PIK3C2G: variants seen among roughly 807,000 people sequenced by gnomAD.
The protein encoded by PIK3C2G is phosphatidylinositol-4-phosphate 3-kinase catalytic subunit type 2 gamma, also known as phosphatidylinositol 3-kinase C2 domain-containing subunit gamma.
Under a neutral mutation model 181.1 loss-of-function variants are expected in PIK3C2G, and 168 were observed. The observed-to-expected ratio is 0.93, with a 90% CI of 0.82 to 1.05. PIK3C2G has a LOEUF of 1.05. Among genes scored for constraint, PIK3C2G ranks in the 50% least tolerant of loss-of-function variants. The pLI is 0.00. For missense variants in PIK3C2G, 1,869 were observed against 1,732.8 expected, an observed-to-expected ratio of 1.08 and a Z score of -1.40; for synonymous variants, 573 against 592.2, an observed-to-expected ratio of 0.97 and a Z score of 0.47.
intron 18 of PIK3C2G, among the ~76,000 whole-genome samples, chr12:18,466,937 A>G (rs1436317173): frequency 1.3e-5 from 2 of 152,074 alleles, no homozygotes; most frequent in African/African-American, 4.8e-5. Flanking sequence ...AATTTAGTAG[A>G]ACTAATATGA....
At chr12:18,597,456 A>T (rs1028476514) in intron 30 of PIK3C2G, among the ~76,000 whole-genome samples, 3 of 152,150 alleles carry the variant, frequency 2.0e-5, no homozygotes, top group Non-Finnish European at 2.9e-5. Flanking sequence ...GCATTAAAAT[A>T]GACCTAAGAG....
chr12:18,416,436 T>G (rs1308413095), intron 16 of PIK3C2G, among the ~76,000 whole-genome samples: 1 of 152,176 alleles, frequency 6.6e-6, no homozygotes, highest in Non-Finnish European at 1.5e-5. Context: ...AACCTTCTAT[T>G]GGAAAAAGAT....
chr12:18,280,229 G>C (rs1423545787), intron 1 of PIK3C2G, among the ~76,000 whole-genome samples: 1 of 151,884 alleles, frequency 6.6e-6, no homozygotes, highest in Non-Finnish European at 1.5e-5. Context: ...TGAAGCAATG[G>C]ACTAGGCACT....
intron 31 of PIK3C2G, among the ~76,000 whole-genome samples, chr12:18,619,088 ATAT>A (rs552503369): frequency 1.4e-4 from 21 of 150,980 alleles, no homozygotes; most frequent in Admixed American, 4.0e-4. Flanking sequence ...ATTATATTAT[ATAT>A]TATTTAATTA....
Position 18,370,751 on chromosome 12 carries a change from C to T in PIK3C2G, c.1749-429C>T, listed in dbSNP as rs369361615. ...GTTGTTCATCCATATATGCCCTTGT[C>T]TGTGCTTTTTCCTCTTTCTGGAATA... On this transcript the variant is annotated intron_variant, in intron 12 of 32. Transcript: ENST00000538779. 1.4e-4 allele frequency among the ~76,000 whole-genome samples: 21 copies of T among 152,234 alleles called. No individual in the cohort carries two copies. The East Asian group carries it at 2.7e-3, about 20-fold the overall frequency.
At chr12:18,463,965 T>A (rs1948055720) in intron 18 of PIK3C2G, among the ~76,000 whole-genome samples, 1 of 152,096 alleles carries the variant, frequency 6.6e-6, no homozygotes. Flanking sequence ...TTCCTCTTCT[T>A]CACATCCCAG....
chr12:18,295,851 A>G (rs982794706), intron 5 of PIK3C2G, among the ~76,000 whole-genome samples: 1 of 152,030 alleles, frequency 6.6e-6, no homozygotes, highest in Admixed American at 6.6e-5. Context: ...AAAGGAATAT[A>G]TATTAGTCAT....
chr12:18,628,534 T>A (rs1949202929), intron 31 of PIK3C2G, among the ~76,000 whole-genome samples: 1 of 152,230 alleles, frequency 6.6e-6, no homozygotes, highest in Admixed American at 6.5e-5. Flanking sequence ...TATATTTAAT[T>A]ATTCATGTAC....
rs369930128 is a variant in PIK3C2G, at chr12:18,283,364, C to G, written c.678+605C>G. ...TTTTCTGTATTTGAAGATTTCTCTA[C>G]TTATTTCTCTGCTTGAGTCTAGACA... On this transcript the variant is annotated intron_variant, in intron 2 of 32. Transcript: ENST00000538779. 5.5e-4 allele frequency among the ~76,000 whole-genome samples: 84 copies of G among 152,176 alleles called. No homozygotes were observed. In the East Asian group the frequency reaches 0.01, roughly 18 times the overall value.
chr12:18,678,209 A>G, the PIK3C2G span, among the ~76,000 whole-genome samples: 3 of 152,060 alleles, frequency 2.0e-5, no homozygotes, highest in Non-Finnish European at 4.4e-5. Context: ...AGGTCTGGCT[A>G]ATACTGCTGT....
chr12:18,432,608 C>A (rs1946222364), intron 18 of PIK3C2G, among the ~76,000 whole-genome samples: 1 of 152,138 alleles, frequency 6.6e-6, no homozygotes, highest in African/African-American at 2.4e-5. Context: ...TTGCTCTAGC[C>A]AACAAAAAAT....
intron 30 of PIK3C2G, among the ~76,000 whole-genome samples, chr12:18,607,589 TA>T (rs1282098356): frequency 6.6e-6 from 1 of 152,052 alleles, no homozygotes; most frequent in Non-Finnish European, 1.5e-5. Context: ...CCTAAAACCA[TA>T]AAACCCTAGA....
chr12:18,607,186 A>T, intron 30 of PIK3C2G: 1 of 516,500 alleles, frequency 1.9e-6, no homozygotes, highest in Non-Finnish European at 3.9e-6. Context: ...GAAAGGTAGA[A>T]GTTCAATAGA....
intron 18 of PIK3C2G, among the ~76,000 whole-genome samples, chr12:18,476,107 A>G (rs2135997665): frequency 6.6e-6 from 1 of 152,330 alleles, no homozygotes; most frequent in Admixed American, 6.5e-5. Context: ...GTCAATAAGA[A>G]CAACGAATAG....
intron 8 of PIK3C2G, among the ~76,000 whole-genome samples, chr12:18,326,568 A>T (rs1325977377): frequency 6.6e-6 from 1 of 152,166 alleles, no homozygotes; most frequent in Non-Finnish European, 1.5e-5. Context: ...TACAAGACTT[A>T]GGTTTCTCCC....
At chr12:18,565,046 T>G (rs1012737547) in intron 28 of PIK3C2G, among the ~76,000 whole-genome samples, 2 of 152,176 alleles carry the variant, frequency 1.3e-5, no homozygotes, top group African/African-American at 4.8e-5. Context: ...TTTCAAACTG[T>G]GTAAGCAACC....
At chr12:18,707,927 C>A in the PIK3C2G span, among the ~76,000 whole-genome samples, 1 of 152,072 alleles carries the variant, frequency 6.6e-6, no homozygotes, top group Non-Finnish European at 1.5e-5. Context: ...ATGGAACACA[C>A]GTAGATAGTA....
intron 18 of PIK3C2G, among the ~76,000 whole-genome samples, chr12:18,470,883 A>G: frequency 6.6e-6 from 1 of 152,086 alleles, no homozygotes; most frequent in East Asian, 1.9e-4. Flanking sequence ...TTTTATTATA[A>G]TGTTTTATTA....
intron 18 of PIK3C2G, among the ~76,000 whole-genome samples, chr12:18,440,935 G>A (rs1035390389): frequency 1.3e-5 from 2 of 152,022 alleles, no homozygotes; most frequent in Non-Finnish European, 2.9e-5. Flanking sequence ...TATACGTAAG[G>A]TTCAAAGCCA....
Sources: gnomAD v4.1 joint callset for allele counts (sites outside exome capture counted in the v4.1 genomes callset) on GRCh38, gnomAD v4.1.1 for gene constraint, MANE v1.5 for transcripts, NCBI Gene and HGNC (gene_info 2026-07-23, HGNC 2026-07-21) for gene names.